Variants in LUZP2 observed in about 807,000 individuals in gnomAD.
The protein encoded by LUZP2 is leucine zipper protein 2.
LUZP2 carries 52 observed loss-of-function variants against 51.6 expected under a neutral mutation model. That is an observed-to-expected ratio of 1.01 (90% CI 0.81 to 1.27). The LOEUF is 1.27. Ranked by LOEUF, LUZP2 falls within the 50% of genes most tolerant of loss-of-function variation. The pLI, the probability that LUZP2 is intolerant of heterozygous loss-of-function variation, is 0.00. For missense variants in LUZP2, 436 were observed against 395.4 expected (o/e 1.10, Z -0.87); for synonymous variants, 154 against 137.3 (o/e 1.12, Z -0.85).
intron 1 of LUZP2, among the ~76,000 whole-genome samples, chr11:24,621,921 C>A (rs1341513255): frequency 2.0e-5 from 3 of 151,408 alleles, no homozygotes; most frequent in Non-Finnish European, 4.4e-5. Flanking sequence ...CATACAGTTT[C>A]TTGTGAACAC....
intron 7 of LUZP2, among the ~76,000 whole-genome samples, chr11:24,920,685 C>A (rs548723267): frequency 1.3e-5 from 2 of 149,694 alleles, no homozygotes; most frequent in East Asian, 1.9e-4. Flanking sequence ...ACAACCCAGA[C>A]ACAGAAATAA....
At chr11:24,973,942 A>G (rs1001715647) in intron 7 of LUZP2, among the ~76,000 whole-genome samples, 1 of 152,064 alleles carries the variant, frequency 6.6e-6, no homozygotes, top group Admixed American at 6.6e-5. Flanking sequence ...GTAGATATCT[A>G]TCAGCTCTGC....
chr11:24,501,032 G>T (rs1849976966), intron 1 of LUZP2, among the ~76,000 whole-genome samples: 1 of 152,182 alleles, frequency 6.6e-6, no homozygotes, highest in South Asian at 2.1e-4. Context: ...GCAAGAAGCA[G>T]TCTCACCTTA....
At chr11:24,678,236 A>G (rs573468637) in intron 1 of LUZP2, among the ~76,000 whole-genome samples, 1 of 152,290 alleles carries the variant, frequency 6.6e-6, no homozygotes, top group Non-Finnish European at 1.5e-5. Context: ...GCCCATAGTA[A>G]CCATTCAATA....
At chr11:25,040,712 C>T (rs940181030) in intron 9 of LUZP2, among the ~76,000 whole-genome samples, 6 of 152,082 alleles carry the variant, frequency 3.9e-5, no homozygotes, top group Non-Finnish European at 8.8e-5. Context: ...CCTTAATGCT[C>T]AATGTGATGA....
intron 1 of LUZP2, among the ~76,000 whole-genome samples, chr11:24,591,241 A>T (rs1416273424): frequency 2.0e-5 from 3 of 152,054 alleles, no homozygotes; most frequent in African/African-American, 7.2e-5. Context: ...CAGGAAGATC[A>T]CACACCAGTT....
intron 4 of LUZP2, among the ~76,000 whole-genome samples, chr11:24,758,194 T>C (rs1435602117): frequency 6.6e-6 from 1 of 152,124 alleles, no homozygotes; most frequent in Non-Finnish European, 1.5e-5. Flanking sequence ...CACATCATGA[T>C]CAATGAAGGC....
chr11:25,077,447 A>C (rs777025106), intron 11 of LUZP2, 41 bp downstream of exon 11: 13 of 964,524 alleles, frequency 1.3e-5, no homozygotes, highest in Middle Eastern at 2.3e-4. Context: ...AAAAGCATTT[A>C]TTGGATCCAT....
At chr11:24,693,747 T>A (rs1414619891) in intron 1 of LUZP2, among the ~76,000 whole-genome samples, 1 of 152,020 alleles carries the variant, frequency 6.6e-6, no homozygotes, top group Non-Finnish European at 1.5e-5. Flanking sequence ...ACAATCACTG[T>A]ACATTATGCC....
intron 5 of LUZP2, among the ~76,000 whole-genome samples, chr11:24,880,189 GTA>G (rs1358429013): frequency 5.9e-5 from 9 of 152,292 alleles, no homozygotes; most frequent in Admixed American, 5.9e-4. Flanking sequence ...CCCCCCATGG[GTA>G]AACATCTGCT....
intron 1 of LUZP2, among the ~76,000 whole-genome samples, chr11:24,685,963 T>C (rs2133878897): frequency 6.6e-6 from 1 of 152,338 alleles, no homozygotes; most frequent in East Asian, 1.9e-4. Flanking sequence ...ATCCTATATT[T>C]AGTTGAACTA....
intron 1 of LUZP2, among the ~76,000 whole-genome samples, chr11:24,695,979 A>G (rs1288358353): frequency 6.6e-6 from 1 of 152,098 alleles, no homozygotes; most frequent in African/African-American, 2.4e-5. Flanking sequence ...GTTCAGAAGT[A>G]GAGATTACTT....
chr11:24,699,474 G>T (rs1373040022), intron 1 of LUZP2, among the ~76,000 whole-genome samples: 1 of 151,976 alleles, frequency 6.6e-6, no homozygotes, highest in Non-Finnish European at 1.5e-5. Flanking sequence ...ACTAAAGGTA[G>T]AAAAATGAAT....
At chr11:24,540,673 A>C (rs576691508) in intron 1 of LUZP2, among the ~76,000 whole-genome samples, 1 of 152,210 alleles carries the variant, frequency 6.6e-6, no homozygotes, top group African/African-American at 2.4e-5. Context: ...CTTTAGAAGA[A>C]TCCTAAAATA....
chr11:24,579,845 G>A (rs941637615), intron 1 of LUZP2, among the ~76,000 whole-genome samples: 3 of 151,996 alleles, frequency 2.0e-5, no homozygotes, highest in African/African-American at 7.2e-5. Context: ...TTTATACTAG[G>A]CAGTAGTCTT....
intron 10 of LUZP2, among the ~76,000 whole-genome samples, chr11:25,062,435 AT>A (rs71311930): frequency 1.3e-5 from 2 of 150,214 alleles, no homozygotes; most frequent in African/African-American, 4.9e-5. Flanking sequence ...GAATAAAAAA[AT>A]ATATATATCT....
At chr11:24,583,958 G>A (rs1012746990) in intron 1 of LUZP2, among the ~76,000 whole-genome samples, 5 of 151,598 alleles carry the variant, frequency 3.3e-5, no homozygotes, top group African/African-American at 7.3e-5. Flanking sequence ...GTGATCCGCC[G>A]GTCTCGGCCT....
chr11:24,872,189 T>C (rs1212527164), intron 5 of LUZP2, among the ~76,000 whole-genome samples: 1 of 152,156 alleles, frequency 6.6e-6, no homozygotes, highest in Non-Finnish European at 1.5e-5. Flanking sequence ...AGAGTAGTTA[T>C]TCTTATCGGT....
chr11:25,038,382 A>G (rs1207604961), intron 9 of LUZP2, among the ~76,000 whole-genome samples: 2 of 152,190 alleles, frequency 1.3e-5, no homozygotes, highest in African/African-American at 2.4e-5. Flanking sequence ...CATGGCCCAT[A>G]GGCACTGTAA....
Sources: allele counts gnomAD v4.1 joint callset (sites outside exome capture counted in the v4.1 genomes callset), GRCh38; gene constraint gnomAD v4.1.1; transcripts MANE v1.5; gene names NCBI Gene and HGNC (gene_info 2026-07-23, HGNC 2026-07-21).